MICAL2: variants seen among roughly 807,000 people sequenced by gnomAD.
MICAL2 encodes the protein [F-actin]-monooxygenase MICAL2.
Under a neutral mutation model 127.3 loss-of-function variants are expected in MICAL2, and 77 were observed. That is an observed-to-expected ratio of 0.60 (90% CI 0.50 to 0.73). The LOEUF is 0.73. Among genes scored for constraint, MICAL2 ranks in the 30% least tolerant of loss-of-function variants. The pLI is 0.00. For synonymous variants in MICAL2, 570 were observed against 551.1 expected (o/e 1.03, Z -0.48); for missense variants, 1,351 against 1,434.4 (o/e 0.94, Z 0.94).
At chr11:12,212,286 A>G (rs959588453) in intron 6 of MICAL2, among the ~76,000 whole-genome samples, 42 of 152,320 alleles carry the variant, frequency 2.8e-4, no homozygotes, top group Admixed American at 2.0e-3. Context: ...CCTGGGCAAC[A>G]TGATGAAACT....
Position 12,213,309 on chromosome 11 carries a change from T to C in MICAL2, c.746T>C (p.Phe249Ser). The C allele has an allele frequency of 6.2e-7, 1 of 1,613,692 alleles. No individual in the cohort carries two copies. Among genetic ancestry groups the C allele is most frequent in the Non-Finnish European group, 8.5e-7 (1 of 1,179,640 alleles). Residue 249 changes from phenylalanine (F) to serine (S), a missense_variant, in exon 7 of 28, where the codon TTC becomes TCC. Phe to Ser is a radical substitution (Grantham distance 155, BLOSUM62 -2). Transcript: ENST00000683283. Reference protein sequence around the residue: ...GKLAIAITANFINRNSTAEAK... With the variant: ...GKLAIAITANSINRNSTAEAK... ...CTGGCGATTGCCATCACCGCCAACTTCATAAACAGAAACAGCACAGCGGAA... is the reference window on the plus strand; with the variant it reads ...CTGGCGATTGCCATCACCGCCAACTCCATAAACAGAAACAGCACAGCGGAA...
At chr11:12,126,377 C>T (rs2131491) in intron 1 of MICAL2, among the ~76,000 whole-genome samples, 137,971 of 152,260 alleles carry the variant, frequency 0.91, 62,589 homozygotes, top group East Asian at 0.97. Flanking sequence ...CAAATCATCT[C>T]GTCTGCCCAG....
rs778405910 is a variant in MICAL2 at position 12,223,520 on chromosome 11, A to T, written c.1540+19A>T. 26 of 1,606,804 alleles carry T rather than the reference A, an allele frequency of 1.6e-5. No individual in the cohort carries two copies. Among genetic ancestry groups the T allele is most frequent in the Non-Finnish European group, 2.0e-5 (23 of 1,174,476 alleles). ...AGGAAGGGTAAGCGGCCCTCCTGGGACCCTGGTGGGTGGCTGGGAAGAGCT... is the reference window on the plus strand; with the variant it reads ...AGGAAGGGTAAGCGGCCCTCCTGGGTCCCTGGTGGGTGGCTGGGAAGAGCT... On this transcript the variant is annotated intron_variant, in intron 12 of 27. Coordinates refer to ENST00000683283, the MANE Select transcript of MICAL2 (RefSeq NM_001282663.2).
At chr11:12,128,037 G>C (rs1230920582) in intron 1 of MICAL2, among the ~76,000 whole-genome samples, 1 of 152,136 alleles carries the variant, frequency 6.6e-6, no homozygotes, top group African/African-American at 2.4e-5. Flanking sequence ...TCTACTATCT[G>C]TCCCTCTGTC....
chr11:12,162,443 T>C (rs1406860105), intron 3 of MICAL2, 24 bp downstream of exon 3: 1 of 1,611,796 alleles, frequency 6.2e-7, no homozygotes, highest in African/African-American at 1.3e-5. Context: ...CTCCTAGTCT[T>C]ACCTTTGCAG....
At chr11:12,239,803 T>C (rs1360354198) in intron 17 of MICAL2, among the ~76,000 whole-genome samples, 1 of 152,212 alleles carries the variant, frequency 6.6e-6, no homozygotes, top group East Asian at 1.9e-4. Context: ...ACTCTGCCAT[T>C]GTAGTATGAA....
intron 33 of MICAL2, among the ~76,000 whole-genome samples, chr11:12,354,524 G>C (rs1939101696): frequency 6.6e-6 from 1 of 151,532 alleles, no homozygotes; most frequent in Admixed American, 6.6e-5. Flanking sequence ...TGTAATCCCA[G>C]CTACTTGGGA....
chr11:12,258,866 GC>G (rs1364417648), intron 25 of MICAL2, among the ~76,000 whole-genome samples: 1 of 152,220 alleles, frequency 6.6e-6, no homozygotes, highest in Non-Finnish European at 1.5e-5. Context: ...AAGCCACATG[GC>G]CCTCTGTACC....
At chr11:12,293,863 A>G (rs760691892), downstream of MICAL2, 1 of 1,609,402 alleles carries the variant, frequency 6.2e-7, no homozygotes, top group East Asian at 2.2e-5. Context: ...GGACAGGGCA[A>G]GAGCTATCTC....
At chr11:12,262,271 T>C in intron 26 of MICAL2, 1 of 1,420,780 alleles carries the variant, frequency 7.0e-7, no homozygotes, top group Non-Finnish European at 9.2e-7. Context: ...GTGCATCCAC[T>C]CTCGTAAACA....
chr11:12,262,858 G>A lies in MICAL2; in HGVS notation c.*17+321G>A, dbSNP rs1042906057. ...AGCTACCTACTTTCTTGGGAGGGTCGACCTTGATCATGAAACAATACCATG... is the reference window on the plus strand; with the variant it reads ...AGCTACCTACTTTCTTGGGAGGGTCAACCTTGATCATGAAACAATACCATG... On this transcript the variant is annotated intron_variant, in intron 27 of 27. Coordinates refer to ENST00000683283, the MANE Select transcript of MICAL2 (RefSeq NM_001282663.2). The A allele has an allele frequency of 3.0e-5, 8 of 270,978 alleles. No homozygotes were observed. The South Asian group carries it at 3.2e-4, about 11-fold the overall frequency. The allele number at this position is 270,978 out of a possible 1,614,324, so 16.8% of individuals were successfully genotyped here.
chr11:12,212,995 C>A (rs1855690143), intron 6 of MICAL2, among the ~76,000 whole-genome samples: 1 of 152,166 alleles, frequency 6.6e-6, no homozygotes, highest in African/African-American at 2.4e-5. Context: ...CCTGTGACTG[C>A]CTGTTGGGAA....
At chr11:12,349,272 C>T (rs981484162) in intron 32 of MICAL2, among the ~76,000 whole-genome samples, 1 of 152,068 alleles carries the variant, frequency 6.6e-6, no homozygotes, top group African/African-American at 2.4e-5. Context: ...ATAACTTTTC[C>T]CCCATGAGAC....
intron 2 of MICAL2, among the ~76,000 whole-genome samples, chr11:12,281,841 T>A (rs189701405): frequency 6.6e-6 from 1 of 152,198 alleles, no homozygotes; most frequent in Non-Finnish European, 1.5e-5. Context: ...TTGTGTTTAA[T>A]ACAAAGTTGA....
intron 1 of MICAL2, among the ~76,000 whole-genome samples, chr11:12,113,027 C>G (rs61875170): frequency 2.6e-5 from 4 of 152,118 alleles, no homozygotes; most frequent in Non-Finnish European, 4.4e-5. Context: ...AGCCTTGGCT[C>G]TGGCAGGACG....
chr11:12,215,274 G>T (rs749041459), intron 7 of MICAL2, among the ~76,000 whole-genome samples: 1 of 152,144 alleles, frequency 6.6e-6, no homozygotes, highest in Admixed American at 6.5e-5. Context: ...AGTGACAGTC[G>T]CGACCTTCCT....
intron 29 of MICAL2, among the ~76,000 whole-genome samples, chr11:12,299,416 C>A (rs1157149809): frequency 6.6e-6 from 1 of 152,076 alleles, no homozygotes; most frequent in Non-Finnish European, 1.5e-5. Flanking sequence ...AATTGAAGTA[C>A]CTAATATTTA....
intron 29 of MICAL2, among the ~76,000 whole-genome samples, chr11:12,299,150 A>G (rs1493962): frequency 0.93 from 141,177 of 152,306 alleles, 65,489 homozygotes; most frequent in East Asian, 0.95. Flanking sequence ...TAGAGTTAGC[A>G]CTGGAAGTAG....
At position 12,239,437 on chromosome 11, in the gene MICAL2, C is replaced by T. The variant is rs1458710739; in HGVS notation, c.2066C>T (p.Pro689Leu). The T allele has an allele frequency of 7.4e-6, 12 of 1,613,966 alleles. No homozygotes were observed. Among genetic ancestry groups the T allele is most frequent in the African/African-American group, 1.3e-5 (1 of 74,932 alleles). Residue 689 changes from proline to leucine, a missense_variant and splice_region_variant, in exon 17 of 28, where the codon CCT (proline) becomes CTT (leucine). Coordinates refer to ENST00000683283, the MANE Select transcript of MICAL2 (RefSeq NM_001282663.2). ...RRKGFTNLDEPSNFSSRSLGS... is the reference protein window; with the variant it reads ...RRKGFTNLDELSNFSSRSLGS... Reference sequence around the variant, plus strand: ...AGTGTCCCGTTTCAACCTTTGCAGCCTTCAAACTTTTCCAGCCGTAGCTTG... The same window carrying T: ...AGTGTCCCGTTTCAACCTTTGCAGCTTTCAAACTTTTCCAGCCGTAGCTTG...
Sources: gnomAD v4.1 joint callset for allele counts (sites outside exome capture counted in the v4.1 genomes callset) on GRCh38, gnomAD v4.1.1 for gene constraint, MANE v1.5 for transcripts, NCBI Gene and HGNC (gene_info 2026-07-23, HGNC 2026-07-21) for gene names.